Variants in CLSTN3 observed in about 807,000 individuals in gnomAD.
CLSTN3 encodes the protein calsyntenin 3, also known as calsyntenin-3.
A neutral mutation model predicts 95.9 loss-of-function variants in CLSTN3; 36 were observed. The observed-to-expected ratio is 0.38, with a 90% confidence interval of 0.29 to 0.50. The LOEUF (loss-of-function observed/expected upper bound fraction) is 0.50. Ranked by LOEUF, CLSTN3 falls within the 20% of genes least tolerant of loss-of-function variation. CLSTN3 has a pLI of 0.95. For synonymous variants in CLSTN3, 481 were observed against 504.0 expected (o/e 0.95, Z 0.61); for missense variants, 1,084 against 1,268.8 (o/e 0.85, Z 2.21).
At position 7,142,944 on chromosome 12, in the gene CLSTN3, G is replaced by A; in HGVS notation, c.1616G>A (p.Ser539Asn). 2 of 1,614,172 alleles carry A rather than the reference G, an allele frequency of 1.2e-6. No homozygotes were observed. Among genetic ancestry groups the A allele is most frequent in the Non-Finnish European group, 1.7e-6 (2 of 1,180,026 alleles). Residue 539 changes from serine to asparagine, a missense_variant, in exon 11 of 18, where the codon AGC (serine) becomes AAC (asparagine). Transcript: ENST00000266546. ...GFSVRSGRLESREVIECLYAC... is the reference protein window; with the variant it reads ...GFSVRSGRLENREVIECLYAC... ...AGCGTGCGCTCAGGTCGCCTGGAGA[G>A]CCGCGAGGTCATCGAGTGCCTCTAT...
chr12:7,144,197 C>A (rs1939583482), intron 12 of CLSTN3, among the ~76,000 whole-genome samples: 1 of 143,102 alleles, frequency 7.0e-6, no homozygotes, highest in South Asian at 2.2e-4. Flanking sequence ...TGCACCACTG[C>A]ACTCCAGCCT....
At chr12:7,130,301 G>C, upstream of CLSTN3, 1 of 925,118 alleles carries the variant, frequency 1.1e-6, no homozygotes, top group Admixed American at 4.6e-5. Context: ...TGCAGCACCT[G>C]GTCCCCCCCC....
chr12:7,156,452 G>C, intron 16 of CLSTN3: 5 of 456,958 alleles, frequency 1.1e-5, no homozygotes, highest in Non-Finnish European at 2.2e-5. Context: ...TGCCTGGTCT[G>C]CCCAGCTGGT....
rs1198966885 is a variant in CLSTN3, at chr12:7,150,713, C to G, written c.2391+24C>G. The stretch of plus-strand genomic sequence containing the variant: ...AGGTACCCAGAGAGTCTCCTTCCTT[C>G]CACAGTTACCCACCCCCAGAAAGGA... On this transcript the variant is annotated intron_variant, in intron 15 of 17. Transcript: ENST00000266546. This position sits in a 1 kb window ranked among gnomAD's most constrained non-coding sequence, Gnocchi z 4.0. The G allele has an allele frequency of 6.2e-7, 1 of 1,605,268 alleles. No individual in the cohort carries two copies. Among genetic ancestry groups the G allele is most frequent in the African/African-American group, 1.3e-5 (1 of 74,788 alleles).
In CLSTN3 at chr12:7,133,586, C is replaced by T; in HGVS notation, c.201C>T (p.Gly67=). ...APLRYAGEIC[G]FRLHGSGVPF... ...CCCCTTTGCCAGGTGAGATCTGCGGCTTCCGGCTCCATGGGTCTGGGGTGC... is the reference window on the plus strand; with the variant it reads ...CCCCTTTGCCAGGTGAGATCTGCGGTTTCCGGCTCCATGGGTCTGGGGTGC... The change falls in exon 3 of 18, where the codon GGC becomes GGT. Residue 67 remains glycine (G), a synonymous_variant. Transcript: ENST00000266546. The surrounding 1 kb of genome is among the most constrained non-coding windows in gnomAD (Gnocchi z 4.7). The T allele has an allele frequency of 6.2e-7, 1 of 1,614,074 alleles. No homozygotes were observed. The highest frequency in any genetic ancestry group is 1.1e-5 in the South Asian group (1 of 91,076).
rs200459589 is a variant in CLSTN3 at position 7,158,112 on chromosome 12, A to C, written c.*31A>C. 6 of 1,474,964 alleles carry C rather than the reference A, an allele frequency of 4.1e-6. No homozygotes were observed. Among genetic ancestry groups the C allele is most frequent in the Admixed American group, 2.3e-5 (1 of 43,380 alleles). 91.4% of individuals were successfully genotyped at this position (1,474,964 alleles called of 1,614,324 possible). ...ACACCTCTCCCCACGCAGAGGGGGA[A>C]TTCTGCCCTGGTGAAACAGACACTC... On this transcript the variant is annotated 3_prime_UTR_variant, in exon 18 of 18. Coordinates refer to ENST00000266546, the MANE Select transcript of CLSTN3 (RefSeq NM_014718.4).
Position 7,135,443 on chromosome 12 carries a change from A to G in CLSTN3, c.500A>G (p.Glu167Gly), listed in dbSNP as rs1373810617. 6 of 1,613,932 alleles carry G rather than the reference A, an allele frequency of 3.7e-6. No individual in the cohort carries two copies. Among genetic ancestry groups the G allele is most frequent in the Non-Finnish European group, 5.1e-6 (6 of 1,179,998 alleles). The change falls in exon 4 of 18, where the codon GAA (glutamate) becomes GGA (glycine). Residue 167 changes from glutamate to glycine, a missense_variant. By Grantham distance (98) the Glu-to-Gly change is moderately conservative. Transcript: ENST00000266546. Reference sequence around the variant, plus strand: ...CTGTACGATCGCATCCTGCGGGTGGAAGCCATTGACGGTGACTGCTCCCCC... The same window carrying G: ...CTGTACGATCGCATCCTGCGGGTGGGAGCCATTGACGGTGACTGCTCCCCC... ...GKLYDRILRV[E>G]AIDGDCSPQY...
upstream of CLSTN3, chr12:7,130,093 G>A: frequency 5.0e-6 from 1 of 198,246 alleles, no homozygotes; most frequent in Non-Finnish European, 1.1e-5. Flanking sequence ...CTCAGGTCCC[G>A]CTGACGTCTC....
At chr12:7,151,973 G>T (rs1939730855) in intron 16 of CLSTN3, among the ~76,000 whole-genome samples, 1 of 151,574 alleles carries the variant, frequency 6.6e-6, no homozygotes, top group Non-Finnish European at 1.5e-5. Context: ...AGGATCTCTT[G>T]GGCCTGTGAG....
upstream of CLSTN3, chr12:7,129,523 G>A (rs2135788587): frequency 1.3e-6 from 1 of 760,996 alleles, no homozygotes; most frequent in Non-Finnish European, 1.6e-6. The surrounding 1 kb of genome is among the most constrained non-coding windows in gnomAD (Gnocchi z 5.5). Context: ...TGGCTATTCT[G>A]GAGAATTTTA....
chr12:7,136,907 A>G lies in CLSTN3; in HGVS notation c.1007A>G (p.Tyr336Cys). ...TGGACAGCAGGACTCTCGGTGCACT[A>G]CAGCCAGGACAGCAGCCTGATCTAC... ...ANWTAGLSVH[Y>C]SQDSSLIYWF... Residue 336 changes from tyrosine to cysteine, a missense_variant, in exon 7 of 18, where the codon TAC becomes TGC. Tyr to Cys is a radical substitution (Grantham distance 194, BLOSUM62 -2). Coordinates refer to ENST00000266546, the MANE Select transcript of CLSTN3 (RefSeq NM_014718.4). 1 of 1,613,946 alleles carries G rather than the reference A, an allele frequency of 6.2e-7. No individual in the cohort carries two copies. The highest frequency in any genetic ancestry group is 8.5e-7 in the Non-Finnish European group (1 of 1,179,950).
chr12:7,143,713 C>G (rs960323057), intron 12 of CLSTN3, among the ~76,000 whole-genome samples: 4 of 152,214 alleles, frequency 2.6e-5, no homozygotes, highest in Admixed American at 6.5e-5. Flanking sequence ...TTGTTTTAAT[C>G]TTGCTTCACC....
rs1178662704 is a variant in CLSTN3, at chr12:7,149,819, C to G, written c.2245+126C>G. On this transcript the variant is annotated intron_variant, in intron 14 of 17. Coordinates refer to ENST00000266546, the MANE Select transcript of CLSTN3 (RefSeq NM_014718.4). The surrounding 1 kb of genome is among the most constrained non-coding windows in gnomAD (Gnocchi z 4.5). Reference sequence around the variant, plus strand: ...TGGACAAGTGCCGTTTTGCATTTTCCTAGCCTGGAAGATCCTCTGGCTTTG... The same window carrying G: ...TGGACAAGTGCCGTTTTGCATTTTCGTAGCCTGGAAGATCCTCTGGCTTTG... 1.2e-6 allele frequency: 1 copy of G among 867,040 alleles called. No individual in the cohort carries two copies. Among genetic ancestry groups the G allele is most frequent in the East Asian group, 2.7e-5 (1 of 37,410 alleles). 53.7% of individuals were successfully genotyped at this position (867,040 alleles called of 1,614,324 possible). A position where few individuals can be genotyped will look rare whatever the true frequency, so the allele number is the denominator to read the frequency against.
chr12:7,137,101 G>C lies in CLSTN3; in HGVS notation c.1201G>C (p.Val401Leu). The change falls in exon 7 of 18, where the codon GTC becomes CTC. Residue 401 changes from valine to leucine, a missense_variant. Physicochemically the swap from Val to Leu is conservative, Grantham distance 32 (BLOSUM62 1). Coordinates refer to ENST00000266546, the MANE Select transcript of CLSTN3 (RefSeq NM_014718.4). This position sits in a 1 kb window ranked among gnomAD's most constrained non-coding sequence, Gnocchi z 4.4. ...AGAGGAAACCATCGTATGTAACACT[G>C]TCCAGAATGGTGAGCCTCCCCTCCA... ...KEEETIVCNT[V>L]QNEDGFSHYS... 2 of 1,603,950 alleles carry C rather than the reference G, an allele frequency of 1.2e-6. No individual in the cohort carries two copies. Among genetic ancestry groups the C allele is most frequent in the South Asian group, 2.2e-5 (2 of 90,928 alleles).
In CLSTN3 at chr12:7,136,325, A is replaced by T; in HGVS notation, c.862A>T (p.Thr288Ser). The change falls in exon 6 of 18, where the codon ACC becomes TCC. Residue 288 changes from threonine (T) to serine (S), a missense_variant. Thr to Ser is a moderately conservative substitution (Grantham distance 58, BLOSUM62 1). Transcript: ENST00000266546. ...WNIQATIELQTSHVAKGCDRD... is the reference protein window; with the variant it reads ...WNIQATIELQSSHVAKGCDRD... ...CATTCAGGCCACCATAGAGCTGCAG[A>T]CCAGCCATGTGGCCAAGGGCTGTGA... 6.2e-7 allele frequency: 1 copy of T among 1,614,174 alleles called. No homozygotes were observed.
At position 7,142,119 on chromosome 12, in the gene CLSTN3, A is replaced by G; in HGVS notation, c.1520A>G (p.Asn507Ser). 6.2e-7 allele frequency: 1 copy of G among 1,609,762 alleles called. No individual in the cohort carries two copies. ...EKNKEKEKGDNSTDTTQGDPL... is the reference protein window; with the variant it reads ...EKNKEKEKGDSSTDTTQGDPL... ...AACAAAGAGAAGGAAAAGGGAGACA[A>G]CAGTACAGACACCACCCAAGGTACT... Residue 507 changes from asparagine to serine, a missense_variant, in exon 10 of 18, where the codon AAC becomes AGC. Asn to Ser is a conservative substitution (Grantham distance 46). Coordinates refer to ENST00000266546, the MANE Select transcript of CLSTN3 (RefSeq NM_014718.4).
intron 12 of CLSTN3, among the ~76,000 whole-genome samples, chr12:7,148,719 C>G (rs371987571): frequency 2.9e-4 from 44 of 152,274 alleles, no homozygotes; most frequent in African/African-American, 1.0e-3. Context: ...TGTGATCACA[C>G]CCACAGGTTG....
chr12:7,156,882 C>T (rs1350447835), intron 16 of CLSTN3: 2 of 454,394 alleles, frequency 4.4e-6, no homozygotes, highest in East Asian at 1.4e-4. Flanking sequence ...TCCCGGAGCC[C>T]CAAGCCCACC....
At chr12:7,153,229 C>G (rs951715390) in intron 16 of CLSTN3, among the ~76,000 whole-genome samples, 1 of 152,184 alleles carries the variant, frequency 6.6e-6, no homozygotes, top group African/African-American at 2.4e-5. Flanking sequence ...TCCTAGCTCA[C>G]TGGAGCCTCG....
Sources: gnomAD v4.1 joint callset for allele counts (sites outside exome capture counted in the v4.1 genomes callset) on GRCh38, gnomAD v4.1.1 for gene constraint, Gnocchi (gnomAD v3.1) non-coding constraint, MANE v1.5 for transcripts, NCBI Gene and HGNC (gene_info 2026-07-23, HGNC 2026-07-21) for gene names.